Variants in PRKCZ observed in about 807,000 individuals in gnomAD.
PRKCZ encodes the protein protein kinase C zeta type.
Under a neutral mutation model 79.5 loss-of-function variants are expected in PRKCZ, and 33 were observed. The observed-to-expected ratio is 0.41, with a 90% CI of 0.31 to 0.55. The LOEUF (loss-of-function observed/expected upper bound fraction) is 0.55. Among genes scored for constraint, PRKCZ ranks in the 20% least tolerant of loss-of-function variants. The pLI is 0.19. For synonymous variants in PRKCZ, 342 were observed against 320.9 expected (o/e 1.07, Z -0.70); for missense variants, 578 against 813.5 (o/e 0.71, Z 3.52).
Position 2,075,908 on chromosome 1 carries a change from C to T in PRKCZ, c.334+16317C>T, listed in dbSNP as rs565989685. Among the ~76,000 whole-genome samples, 1 of 152,240 alleles carries T rather than the reference C, an allele frequency of 6.6e-6. No homozygotes were observed. The highest frequency in any genetic ancestry group is 2.4e-5 in the African/African-American group (1 of 41,464). Reference sequence around the variant, plus strand: ...AGCGGGGGCTGCGTCTCATCTGCCACACGTTTCTGATCGCCGAGGACTCAG... The same window carrying T: ...AGCGGGGGCTGCGTCTCATCTGCCATACGTTTCTGATCGCCGAGGACTCAG... On this transcript the variant is annotated intron_variant, in intron 4 of 17. Transcript: ENST00000378567. This position sits in a 1 kb window ranked among gnomAD's most constrained non-coding sequence, Gnocchi z 4.8.
intron 4 of PRKCZ, among the ~76,000 whole-genome samples, chr1:2,083,128 C>T (rs78642620): frequency 1.3e-5 from 2 of 152,106 alleles, no homozygotes; most frequent in African/African-American, 4.8e-5. Flanking sequence ...GTTGCTGGCC[C>T]CAGAGTGTTC....
At chr1:2,180,558 C>T (rs1039008948) in intron 16 of PRKCZ, among the ~76,000 whole-genome samples, 8 of 151,356 alleles carry the variant, frequency 5.3e-5, no homozygotes, top group Non-Finnish European at 8.8e-5. Context: ...GATGCATGGA[C>T]GACGTGGACG....
intron 10 of PRKCZ, among the ~76,000 whole-genome samples, chr1:2,161,940 A>G (rs1182489897): frequency 2.6e-5 from 4 of 151,932 alleles, no homozygotes; most frequent in Non-Finnish European, 1.5e-5. Flanking sequence ...CACATAAAAC[A>G]AGAGCCTCTT....
rs1684569223 is a variant in PRKCZ at position 2,172,207 on chromosome 1, G to A, written c.1197+17G>A. ...ATGTGCAAGGTGCGTGCCTTGGACCGCCTCCCCTGACCATCCCGCATGTGC... is the reference window on the plus strand; with the variant it reads ...ATGTGCAAGGTGCGTGCCTTGGACCACCTCCCCTGACCATCCCGCATGTGC... On this transcript the variant is annotated intron_variant, in intron 12 of 17. Transcript: ENST00000378567. The surrounding 1 kb of genome is among the most constrained non-coding windows in gnomAD (Gnocchi z 7.8). 9 of 1,613,190 alleles carry A rather than the reference G, an allele frequency of 5.6e-6. No homozygotes were observed. The highest frequency in any genetic ancestry group is 5.9e-6 in the Non-Finnish European group (7 of 1,179,976).
chr1:2,122,532 CATG>C (rs1370949270), intron 4 of PRKCZ, among the ~76,000 whole-genome samples: 2 of 14,704 alleles, frequency 1.4e-4, no homozygotes, highest in African/African-American at 4.8e-4. Context: ...TGGTTAGGGT[CATG>C]GTGGTGGTTA....
Position 2,150,967 on chromosome 1 carries a change from C to A in PRKCZ, c.865C>A (p.His289Asn). Residue 289 changes from histidine to asparagine, a missense_variant, in exon 9 of 18, where the codon CAT (histidine) becomes AAT (asparagine). This residue lies in a region of PRKCZ where 243 missense variants were observed against 467.0 expected (regional missense o/e 0.52). Coordinates refer to ENST00000378567, the MANE Select transcript of PRKCZ (RefSeq NM_002744.6). ...GAAAGTGGTGAAGAAAGAGCTGGTG[C>A]ATGATGACGAGGTAGGTGCCGCTTC... ...AMKVVKKELV[H>N]DDEDIDWVQT... 1 of 1,613,678 alleles carries A rather than the reference C, an allele frequency of 6.2e-7. No individual in the cohort carries two copies. Among genetic ancestry groups the A allele is most frequent in the Non-Finnish European group, 8.5e-7 (1 of 1,180,004 alleles).
At chr1:2,182,500 A>G (rs1010446679) in intron 16 of PRKCZ, 8 of 154,882 alleles carry the variant, frequency 5.2e-5, no homozygotes, top group African/African-American at 1.9e-4. Context: ...CACTGGGGGC[A>G]TTTCTGGTCT....
At chr1:2,100,413 C>T (rs1667242689) in intron 4 of PRKCZ, among the ~76,000 whole-genome samples, 1 of 152,214 alleles carries the variant, frequency 6.6e-6, no homozygotes, top group South Asian at 2.1e-4. Flanking sequence ...CAGGCACCTC[C>T]CTGATCTCTG....
At chr1:2,081,826 G>GCC in intron 4 of PRKCZ, among the ~76,000 whole-genome samples, 1 of 105,876 alleles carries the variant, frequency 9.4e-6, no homozygotes, top group Non-Finnish European at 2.0e-5. Context: ...CTGCCGCCCC[G>GCC]CCCCCCAGCA....
chr1:2,062,189 A>G (rs755235308), intron 4 of PRKCZ, among the ~76,000 whole-genome samples: 22 of 152,196 alleles, frequency 1.4e-4, no homozygotes, highest in Non-Finnish European at 2.9e-4. Context: ...ACTTACAACT[A>G]TCATCTCTAT....
chr1:2,120,763 A>G (rs1030568538), intron 4 of PRKCZ, among the ~76,000 whole-genome samples: 2 of 150,352 alleles, frequency 1.3e-5, no homozygotes, highest in African/African-American at 4.9e-5. Flanking sequence ...ATTTCACCCA[A>G]TCTACTCTTA....
At chr1:2,181,922 G>C in intron 16 of PRKCZ, 1 of 454,882 alleles carries the variant, frequency 2.2e-6, no homozygotes, top group Non-Finnish European at 4.4e-6. Context: ...CAGGTGAGCC[G>C]TTCTGCCTAA....
intron 4 of PRKCZ, among the ~76,000 whole-genome samples, chr1:2,093,100 G>GA (rs1665809541): frequency 6.6e-6 from 1 of 152,230 alleles, no homozygotes; most frequent in Non-Finnish European, 1.5e-5. Context: ...GAACTCAAGA[G>GA]AAAAGTTCAT....
At chr1:2,124,339 G>GGTTAGGGTCACGGCTGTA (rs1673397546) in intron 4 of PRKCZ, among the ~76,000 whole-genome samples, 1 of 12,084 alleles carries the variant, frequency 8.3e-5, no homozygotes, top group African/African-American at 8.5e-4. Flanking sequence ...TCACGGTGGT[G>GGTTAGGGTCACGGCTGTA]GTTAGGGTCA....
intron 4 of PRKCZ, among the ~76,000 whole-genome samples, chr1:2,061,133 T>G (rs1660636127): frequency 6.6e-6 from 1 of 152,196 alleles, no homozygotes; most frequent in African/African-American, 2.4e-5. Context: ...ATTTTTTGAC[T>G]TGGTGACAGG....
chr1:2,114,423 G>A (rs1273356579), intron 4 of PRKCZ, among the ~76,000 whole-genome samples: 2 of 152,330 alleles, frequency 1.3e-5, no homozygotes, highest in East Asian at 3.9e-4. Flanking sequence ...ACAGCAGGTT[G>A]ACTTTGGAGT....
chr1:2,134,612 T>C (rs1303571234), intron 4 of PRKCZ, among the ~76,000 whole-genome samples: 5 of 152,142 alleles, frequency 3.3e-5, no homozygotes, highest in Admixed American at 3.3e-4. Context: ...ATGATGTTTT[T>C]GGTAACTTGC....
chr1:2,100,840 C>G (rs1253351356), intron 4 of PRKCZ, among the ~76,000 whole-genome samples: 1 of 152,038 alleles, frequency 6.6e-6, no homozygotes, highest in Non-Finnish European at 1.5e-5. Context: ...TGAAAGATGA[C>G]ATTTTAATTC....
At chr1:2,131,152 C>A (rs75427391) in intron 4 of PRKCZ, among the ~76,000 whole-genome samples, 1,686 of 152,264 alleles carry the variant, frequency 0.011, 32 homozygotes, top group African/African-American at 0.036. Context: ...TTGGTATTTG[C>A]AAATTTGTCC....
Sources: allele counts gnomAD v4.1 joint callset (sites outside exome capture counted in the v4.1 genomes callset), GRCh38; gene constraint gnomAD v4.1.1; regional missense constraint gnomAD v4.1.1; non-coding constraint Gnocchi (gnomAD v3.1); transcripts MANE v1.5; gene names NCBI Gene and HGNC (gene_info 2026-07-23, HGNC 2026-07-21).